Variants in SEC63 observed in about 807,000 individuals in gnomAD.
SEC63 encodes translocation protein SEC63 homolog.
A neutral mutation model predicts 116.2 loss-of-function variants in SEC63; 56 were observed. That is an observed-to-expected ratio of 0.48 (90% CI 0.39 to 0.60). The LOEUF is 0.60. SEC63 is among the 20% of genes least tolerant of loss of function. SEC63 has a pLI of 0.00. For missense variants in SEC63, 668 were observed against 900.0 expected, an observed-to-expected ratio of 0.74 and a Z score of 3.30; for synonymous variants, 273 against 294.6, an observed-to-expected ratio of 0.93 and a Z score of 0.75.
intron 1 of SEC63, among the ~76,000 whole-genome samples, chr6:107,941,320 GCACACACACCCATAGTCCAGCTACC>G (rs1292240773): frequency 2.6e-5 from 4 of 151,802 alleles, no homozygotes; most frequent in South Asian, 2.1e-4. Flanking sequence ...GGGTGTGGTG[GCACACACACCCATAGTCCAGCTACC>G]CACACACACC....
intron 10 of SEC63, among the ~76,000 whole-genome samples, chr6:107,905,023 T>C (rs1787112666): frequency 1.3e-5 from 2 of 152,320 alleles, no homozygotes; most frequent in Middle Eastern, 3.4e-3. Context: ...TTTGGGAGGC[T>C]GAGGCAGGCA....
intron 1 of SEC63, among the ~76,000 whole-genome samples, chr6:107,931,379 GA>G (rs1212653210): frequency 6.6e-6 from 1 of 151,478 alleles, no homozygotes; most frequent in Non-Finnish European, 1.5e-5. Flanking sequence ...TAATCCTCAT[GA>G]AAAACTTGCA....
chr6:107,910,161 G>A (rs983853357), intron 7 of SEC63, among the ~76,000 whole-genome samples: 2 of 152,128 alleles, frequency 1.3e-5, no homozygotes, highest in Non-Finnish European at 2.9e-5. Flanking sequence ...ACTTTCATTT[G>A]AAACTTTAAA....
intron 8 of SEC63, among the ~76,000 whole-genome samples, chr6:107,907,623 T>C (rs926140535): frequency 1.3e-5 from 2 of 152,280 alleles, no homozygotes; most frequent in South Asian, 2.1e-4. Context: ...AAAGGCAGGA[T>C]AGTATAGAAG....
chr6:107,949,364 G>C (rs182177201), intron 1 of SEC63, among the ~76,000 whole-genome samples: 8 of 152,284 alleles, frequency 5.3e-5, no homozygotes, highest in Admixed American at 4.6e-4. Context: ...AATGAGATGT[G>C]AGCAGTGGCT....
chr6:107,932,011 C>A, intron 1 of SEC63: 1 of 154,872 alleles, frequency 6.5e-6, no homozygotes, highest in South Asian at 2.0e-4. Flanking sequence ...CAAGCTTTAT[C>A]ATTATGCCAT....
At chr6:107,953,351 T>A (rs930695900) in intron 1 of SEC63, among the ~76,000 whole-genome samples, 12 of 152,238 alleles carry the variant, frequency 7.9e-5, no homozygotes, top group African/African-American at 2.7e-4. Flanking sequence ...TAAGAACAAA[T>A]GTGCTTCAGA....
At chr6:107,888,811 T>C (rs1037958353) in intron 16 of SEC63, among the ~76,000 whole-genome samples, 1 of 152,198 alleles carries the variant, frequency 6.6e-6, no homozygotes, top group African/African-American at 2.4e-5. Context: ...GGCTGCTGAA[T>C]TTTGTTGAAG....
At chr6:107,927,524 C>G (rs773056476) in intron 2 of SEC63, among the ~76,000 whole-genome samples, 11 of 152,086 alleles carry the variant, frequency 7.2e-5, no homozygotes, top group Non-Finnish European at 8.8e-5. Flanking sequence ...AAATTGTTAC[C>G]AGTATATATT....
intron 15 of SEC63, 25 bp from the exon 16 acceptor site, chr6:107,893,680 CTT>C (rs771458301): frequency 6.2e-7 from 1 of 1,613,318 alleles, no homozygotes; most frequent in South Asian, 1.1e-5. Context: ...ACGTCACACT[CTT>C]AAGTTATAGC....
In SEC63 at chr6:107,916,758, G is replaced by A. The variant is rs369639102; in HGVS notation, c.453-3331C>T. On this transcript the variant is annotated intron_variant, in intron 4 of 20. Coordinates refer to ENST00000369002, the MANE Select transcript of SEC63 (RefSeq NM_007214.5). ...TCTTTGACATTTCTATTATCATTGC[G>A]GGGCTGGCACACAAACTGCACCTGC... Among the ~76,000 whole-genome samples, 27 of 152,106 alleles carry A rather than the reference G, an allele frequency of 1.8e-4. 1 individual carries two copies. The highest frequency in any genetic ancestry group is 8.3e-4 in the South Asian group (4 of 4,812).
chr6:107,956,071 G>C (rs1160836107), intron 1 of SEC63: 1 of 362,990 alleles, frequency 2.8e-6, no homozygotes, highest in Admixed American at 3.8e-5. Context: ...CTTGAAGCAA[G>C]TTCAAGACCA....
chr6:107,903,723 T>C (rs952265282), intron 11 of SEC63, among the ~76,000 whole-genome samples: 1 of 152,176 alleles, frequency 6.6e-6, no homozygotes, highest in African/African-American at 2.4e-5. Flanking sequence ...TTACATGACA[T>C]ATGAATCACT....
At chr6:107,891,936 TC>T (rs941755706) in intron 16 of SEC63, among the ~76,000 whole-genome samples, 1 of 152,220 alleles carries the variant, frequency 6.6e-6, no homozygotes, top group Non-Finnish European at 1.5e-5. Context: ...GGAAGCTTCG[TC>T]CCAGAGGGGC....
At chr6:107,908,847 A>G (rs1787212646) in intron 8 of SEC63, 80 bp downstream of exon 8, 2 of 762,486 alleles carry the variant, frequency 2.6e-6, no homozygotes, top group Non-Finnish European at 4.6e-6. Flanking sequence ...TCAACAGTAT[A>G]GAGTTAAGGA....
chr6:107,880,384 C>T (rs139658754), intron 18 of SEC63, among the ~76,000 whole-genome samples: 12 of 152,346 alleles, frequency 7.9e-5, no homozygotes, highest in Admixed American at 1.3e-4. Flanking sequence ...GAACAGTTTC[C>T]CGAACTGGGG....
At chr6:107,934,637 C>T (rs1321603668) in intron 1 of SEC63, among the ~76,000 whole-genome samples, 1 of 142,858 alleles carries the variant, frequency 7.0e-6, no homozygotes, top group East Asian at 2.1e-4. Context: ...GTCAGCCCCC[C>T]GCCAGGCCAG....
chr6:107,949,477 AAAAAT>A (rs946191933), intron 1 of SEC63, among the ~76,000 whole-genome samples: 37 of 152,212 alleles, frequency 2.4e-4, no homozygotes, highest in African/African-American at 8.7e-4. Context: ...GTCTCTATTT[AAAAAT>A]AAAATAAAAT....
rs1787148451 is a variant in SEC63 at position 107,906,351 on chromosome 6, G to A, written c.961+97C>T. 9 of 1,296,896 alleles carry A rather than the reference G, an allele frequency of 6.9e-6. No individual in the cohort carries two copies. In the South Asian group the frequency reaches 8.3e-5, roughly 12 times the overall value. 80.3% of individuals were successfully genotyped at this position (1,296,896 alleles called of 1,614,324 possible). A position where few individuals can be genotyped will look rare whatever the true frequency, so the allele number is the denominator to read the frequency against. On this transcript the variant is annotated intron_variant, in intron 10 of 20. Coordinates refer to ENST00000369002, the MANE Select transcript of SEC63 (RefSeq NM_007214.5). The stretch of plus-strand genomic sequence containing the variant: ...TTACCCAGCCTCAGGTATTTCTTTA[G>A]AGCAATGCGAGAACAAACTAATACA...
Sources: gnomAD v4.1 joint callset for allele counts (sites outside exome capture counted in the v4.1 genomes callset) on GRCh38, gnomAD v4.1.1 for gene constraint, MANE v1.5 for transcripts, NCBI Gene and HGNC (gene_info 2026-07-23, HGNC 2026-07-21) for gene names.